CNTLN: variants seen among roughly 807,000 people sequenced by gnomAD.
CNTLN encodes the protein centlein, also known as centlein, centrosomal protein.
A neutral mutation model predicts 180.0 loss-of-function variants in CNTLN; 212 were observed. The ratio of observed to expected loss-of-function variants is 1.18; its 90% CI spans 1.05 to 1.32. The LOEUF is 1.32. CNTLN is among the 40% of genes most tolerant of loss of function. The pLI is 0.00. For missense variants in CNTLN, 2,095 were observed against 1,610.9 expected (o/e 1.30, Z -5.14); for synonymous variants, 722 against 563.1 (o/e 1.28, Z -3.99).
intron 9 of CNTLN, 33 bp downstream of exon 9, chr9:17,330,841 A>T: frequency 6.4e-7 from 1 of 1,570,648 alleles, no homozygotes; most frequent in Non-Finnish European, 8.6e-7. Flanking sequence ...TGAATTTGCC[A>T]GGATGAGGCT....
At position 17,445,228 on chromosome 9, in the gene CNTLN, A is replaced by T. The variant is rs984643658; in HGVS notation, c.3115-12296A>T. Among the ~76,000 whole-genome samples the T allele has an allele frequency of 2.0e-5, 3 of 152,286 alleles. No individual in the cohort carries two copies. In the South Asian group the frequency reaches 6.2e-4, roughly 32 times the overall value. On this transcript the variant is annotated intron_variant, in intron 18 of 25. Coordinates refer to ENST00000380647, the MANE Select transcript of CNTLN (RefSeq NM_017738.4). ...AATGATCAACATGATATGAATACTT[A>T]GTACTGCTGCTGTTAAATTTGTAAT...
intron 8 of CNTLN, among the ~76,000 whole-genome samples, chr9:17,324,036 C>G (rs1318420479): frequency 6.6e-6 from 1 of 151,998 alleles, no homozygotes; most frequent in East Asian, 1.9e-4. Flanking sequence ...AGATTGAAAA[C>G]CACACTTTAG....
chr9:17,185,827 C>T (rs7850279), intron 2 of CNTLN, among the ~76,000 whole-genome samples: 1 of 149,318 alleles, frequency 6.7e-6, no homozygotes, highest in Non-Finnish European at 1.5e-5. Context: ...GGGTCCTGCT[C>T]TGTTGCCCAG....
At chr9:17,361,592 T>G (rs559456603) in intron 12 of CNTLN, among the ~76,000 whole-genome samples, 1 of 152,342 alleles carries the variant, frequency 6.6e-6, no homozygotes, top group East Asian at 1.9e-4. Flanking sequence ...TTCTTTAGCT[T>G]TTTTCCACTG....
intron 5 of CNTLN, among the ~76,000 whole-genome samples, chr9:17,270,837 G>A (rs1827883149): frequency 6.6e-6 from 1 of 151,446 alleles, no homozygotes. Context: ...AATTTAGAAT[G>A]TGTAATATAG....
chr9:17,416,223 C>G (rs774795090), intron 18 of CNTLN, 34 bp downstream of exon 18: 2 of 1,493,310 alleles, frequency 1.3e-6, no homozygotes, highest in Non-Finnish European at 1.8e-6. Flanking sequence ...CAGTAGTATA[C>G]TATATTGTAA....
chr9:17,312,369 T>TATATAATATATATATATATATATA, intron 8 of CNTLN, among the ~76,000 whole-genome samples: 1 of 34,388 alleles, frequency 2.9e-5, no homozygotes, highest in African/African-American at 7.9e-5. Context: ...ATATATTATA[T>TATATAATATATATATATATATATA]ATATATATAT....
At chr9:17,246,640 G>A (rs1825811222) in intron 5 of CNTLN, among the ~76,000 whole-genome samples, 2 of 152,180 alleles carry the variant, frequency 1.3e-5, no homozygotes, top group African/African-American at 2.4e-5. Flanking sequence ...AGTACGGCAA[G>A]TTTGCCCTGG....
At chr9:17,351,444 C>T (rs1822355856) in intron 12 of CNTLN, among the ~76,000 whole-genome samples, 1 of 152,128 alleles carries the variant, frequency 6.6e-6, no homozygotes, top group Non-Finnish European at 1.5e-5. Flanking sequence ...ATGTTTGAAA[C>T]CAAATTCACG....
At chr9:17,471,594 G>T (rs1037140364) in intron 23 of CNTLN, among the ~76,000 whole-genome samples, 1 of 152,062 alleles carries the variant, frequency 6.6e-6, no homozygotes, top group African/African-American at 2.4e-5. Flanking sequence ...GTGCCATACA[G>T]TGTTTTTACT....
intron 2 of CNTLN, among the ~76,000 whole-genome samples, chr9:17,176,024 T>A (rs1820697594): frequency 6.7e-6 from 1 of 148,384 alleles, no homozygotes; most frequent in South Asian, 2.1e-4. Flanking sequence ...TTATCTATTG[T>A]AATTATCTAT....
the CNTLN span, among the ~76,000 whole-genome samples, chr9:17,521,606 A>G: frequency 2.0e-5 from 3 of 152,144 alleles, no homozygotes; most frequent in Non-Finnish European, 4.4e-5. Flanking sequence ...TTTTCAGCTT[A>G]TTTCATATTT....
chr9:17,337,121 C>G lies in CNTLN; in HGVS notation c.1645-3706C>G, dbSNP rs149345357. On this transcript the variant is annotated intron_variant, in intron 10 of 25. Coordinates refer to ENST00000380647, the MANE Select transcript of CNTLN (RefSeq NM_017738.4). ...ATAAACGTGTTCTTTTGAGAAGTGT[C>G]TGTTCATATCCTTCGCCCACTTTTT... Among the ~76,000 whole-genome samples the G allele has an allele frequency of 1.4e-4, 22 of 152,244 alleles. No individual in the cohort carries two copies. The East Asian group carries it at 3.9e-3, about 27-fold the overall frequency.
At chr9:17,424,982 A>G (rs958552675) in intron 18 of CNTLN, among the ~76,000 whole-genome samples, 1 of 152,216 alleles carries the variant, frequency 6.6e-6, no homozygotes, top group African/African-American at 2.4e-5. Flanking sequence ...TAAGACGGAT[A>G]TCACATGAAA....
chr9:17,271,713 A>C (rs1440202893), intron 5 of CNTLN, among the ~76,000 whole-genome samples: 1 of 151,700 alleles, frequency 6.6e-6, no homozygotes, highest in Non-Finnish European at 1.5e-5. Flanking sequence ...TTATCTTGCA[A>C]CTCCACAGAC....
At chr9:17,518,964 C>T in the CNTLN span, among the ~76,000 whole-genome samples, 40 of 152,236 alleles carry the variant, frequency 2.6e-4, 1 homozygote, top group Admixed American at 1.2e-3. Flanking sequence ...GTCTCTGTCA[C>T]CCAGGCTTGA....
At chr9:17,153,026 C>T (rs1185449843) in intron 2 of CNTLN, among the ~76,000 whole-genome samples, 1 of 152,130 alleles carries the variant, frequency 6.6e-6, no homozygotes, top group East Asian at 1.9e-4. Context: ...ATTCTTCCAT[C>T]CCTGTATTTT....
intron 3 of CNTLN, among the ~76,000 whole-genome samples, chr9:17,233,224 C>T (rs1824920727): frequency 2.0e-5 from 3 of 151,948 alleles, no homozygotes; most frequent in Admixed American, 6.6e-5. Context: ...ACCCATTATA[C>T]ACACATGAAG....
chr9:17,160,727 C>T (rs1819620285), intron 2 of CNTLN, among the ~76,000 whole-genome samples: 2 of 152,066 alleles, frequency 1.3e-5, no homozygotes, highest in African/African-American at 2.4e-5. Flanking sequence ...TTAAAGGTAG[C>T]CAATGAAAAT....
Sources: allele counts gnomAD v4.1 joint callset (sites outside exome capture counted in the v4.1 genomes callset), GRCh38; gene constraint gnomAD v4.1.1; transcripts MANE v1.5; gene names NCBI Gene and HGNC (gene_info 2026-07-23, HGNC 2026-07-21).